DYDC1: variants seen among roughly 807,000 people sequenced by gnomAD.
The protein encoded by DYDC1 is DPY30 domain containing 1, also known as DPY30 domain-containing protein 1.
Under a neutral mutation model 27.9 loss-of-function variants are expected in DYDC1, and 21 were observed. That is an observed-to-expected ratio of 0.75 (90% confidence interval 0.53 to 1.08). DYDC1 has a LOEUF of 1.08. DYDC1 is among the 50% of genes least tolerant of loss of function. DYDC1 has a pLI of 0.00. For synonymous variants in DYDC1, 67 were observed against 65.8 expected (o/e 1.02, Z -0.09); for missense variants, 202 against 205.9 (o/e 0.98, Z 0.12).
At chr10:80,347,462 C>A (rs1211416733) in intron 3 of DYDC1, among the ~76,000 whole-genome samples, 6 of 151,998 alleles carry the variant, frequency 3.9e-5, no homozygotes, top group Non-Finnish European at 1.5e-5. Context: ...GACCTAGTCC[C>A]ATTTGTTTAG....
chr10:80,352,983 C>A (rs1366316413), intron 1 of DYDC1, among the ~76,000 whole-genome samples: 11 of 152,094 alleles, frequency 7.2e-5, no homozygotes, highest in Non-Finnish European at 1.6e-4. Flanking sequence ...CAAGCCCAGG[C>A]ACAGACAGCG....
chr10:80,338,976 G>A lies in DYDC1; in HGVS notation c.399+121C>T, dbSNP rs180837504. ...CTTGTTATCACCGGAAAATATACAT[G>A]GACTATCAGTTTTGATAATATACTT... On this transcript the variant is annotated intron_variant, in intron 5 of 6. Transcript: ENST00000372202. 1.8e-3 allele frequency: 955 copies of A among 537,180 alleles called. 3 individuals are homozygous for A. The highest frequency in any genetic ancestry group is 2.6e-3 in the Non-Finnish European group (825 of 311,442). 33.3% of individuals were successfully genotyped at this position (537,180 alleles called of 1,614,324 possible).
rs1351444629 is a variant in DYDC1 at position 80,352,495 on chromosome 10, C to G, written c.107G>C (p.Trp36Ser). 1 of 1,611,724 alleles carries G rather than the reference C, an allele frequency of 6.2e-7. No homozygotes were observed. The highest frequency in any genetic ancestry group is 1.7e-5 in the Admixed American group (1 of 59,526). The change falls in exon 2 of 7, where the codon TGG becomes TCG. Residue 36 changes from tryptophan (W) to serine (S), a missense_variant. Physicochemically the swap from Trp to Ser is radical, Grantham distance 177. Transcript: ENST00000372202. Reference protein sequence around the residue: ...PVDPIEYLALWIYKYKENVTM... With the variant: ...PVDPIEYLALSIYKYKENVTM... ...CACATTTTCCTTATACTTGTAAATC[C>G]ACAATGCTAAATATTCTATCGGATC...
rs1842859804 is a variant in DYDC1, at chr10:80,349,474, T to C, written c.249+2427A>G. Among the ~76,000 whole-genome samples the C allele has an allele frequency of 2.0e-5, 3 of 152,182 alleles. No individual in the cohort carries two copies. In the South Asian group the frequency reaches 6.2e-4, roughly 32 times the overall value. On this transcript the variant is annotated intron_variant, in intron 3 of 6. Transcript: ENST00000372202. Reference sequence around the variant, plus strand: ...GCATAAAATGTCTACTATCTGACAATGCATTCTAAAATAATAAATTTTTAC... The same window carrying C: ...GCATAAAATGTCTACTATCTGACAACGCATTCTAAAATAATAAATTTTTAC...
rs1302176720 is a variant in DYDC1, at chr10:80,339,129, G to C, written c.367C>G (p.Leu123Val). The C allele has an allele frequency of 1.3e-5, 18 of 1,364,846 alleles. No homozygotes were observed. The highest frequency in any genetic ancestry group is 1.6e-5 in the Non-Finnish European group (16 of 1,011,720). The allele number at this position is 1,364,846 out of a possible 1,614,324, so 84.5% of individuals were successfully genotyped here. A position where few individuals can be genotyped will look rare whatever the true frequency, so the allele number is the denominator to read the frequency against. The change falls in exon 5 of 7, where the codon CTA (leucine) becomes GTA (valine). Residue 123 changes from leucine to valine, a missense_variant. Leu to Val is a conservative substitution (Grantham distance 32). Transcript: ENST00000372202. ...GKEMRMNMEN[L>V]VRNEDILHSE... ...TGTAGAATATCTTCATTCCTAACTA[G>C]ATTTTCCATATTCATTCTCATCTCC...
rs1564659896 is a variant in DYDC1, at chr10:80,342,250, T to G, written c.342+19A>C. ...AGAGAGTTTTAAATAAAACTGACATTTATAAAACTTCAAATTACCTTGCCT... is the reference window on the plus strand; with the variant it reads ...AGAGAGTTTTAAATAAAACTGACATGTATAAAACTTCAAATTACCTTGCCT... On this transcript the variant is annotated intron_variant, in intron 4 of 6. Transcript: ENST00000372202. The G allele has an allele frequency of 6.2e-7, 1 of 1,608,958 alleles. No individual in the cohort carries two copies. The highest frequency in any genetic ancestry group is 8.5e-7 in the Non-Finnish European group (1 of 1,176,508).
At position 80,342,321 on chromosome 10, in the gene DYDC1, T is replaced by C. The variant is rs1341393157; in HGVS notation, c.290A>G (p.Lys97Arg). 1 of 1,613,848 alleles carries C rather than the reference T, an allele frequency of 6.2e-7. No individual in the cohort carries two copies. Among genetic ancestry groups the C allele is most frequent in the Non-Finnish European group, 8.5e-7 (1 of 1,179,974 alleles). ...TAGTTCTTGTATTCTCTGCCTCTCC[T>C]TTTCTTGCATTTCCAACTCTAGCTG... is the stretch of plus-strand genomic sequence containing the variant. Reference protein sequence around the residue: ...ALQLELEMQEKERQRIQELQR... With the variant: ...ALQLELEMQERERQRIQELQR... Residue 97 changes from lysine (K) to arginine (R), a missense_variant, in exon 4 of 7, where the codon AAG becomes AGG. Transcript: ENST00000372202.
chr10:80,347,118 C>T (rs776543868), intron 3 of DYDC1, among the ~76,000 whole-genome samples: 3 of 151,550 alleles, frequency 2.0e-5, no homozygotes, highest in Admixed American at 6.6e-5. Flanking sequence ...CTAATAGGGG[C>T]GAGGTGGTAT....
chr10:80,343,659 A>G (rs2132765486), intron 3 of DYDC1, among the ~76,000 whole-genome samples: 1 of 152,112 alleles, frequency 6.6e-6, no homozygotes, highest in African/African-American at 2.4e-5. Flanking sequence ...TGAATGTCGC[A>G]CTTTTAAGGC....
chr10:80,345,397 C>T (rs886427727), intron 3 of DYDC1, among the ~76,000 whole-genome samples: 8 of 152,050 alleles, frequency 5.3e-5, no homozygotes, highest in Admixed American at 3.9e-4. Context: ...TTTCAATATC[C>T]ATCATCTTAG....
intron 4 of DYDC1, among the ~76,000 whole-genome samples, chr10:80,341,442 C>CAAAA (rs58419721): frequency 7.8e-3 from 325 of 41,728 alleles, no homozygotes; most frequent in Middle Eastern, 0.032. Flanking sequence ...GACTCTGTCT[C>CAAAA]AAAAAAAAAA....
chr10:80,352,690 A>G, intron 1 of DYDC1, 80 bp from the exon 2 acceptor site: 1 of 1,463,468 alleles, frequency 6.8e-7, no homozygotes, highest in Non-Finnish European at 9.0e-7. Flanking sequence ...TGAGGTGAAC[A>G]AAGCCTTACA....
In DYDC1 at chr10:80,350,227, G is replaced by A. The variant is rs567343600; in HGVS notation, c.249+1674C>T. Among the ~76,000 whole-genome samples, 6 of 152,210 alleles carry A rather than the reference G, an allele frequency of 3.9e-5. No homozygotes were observed. In the South Asian group the frequency reaches 6.2e-4, roughly 16 times the overall value. On this transcript the variant is annotated intron_variant, in intron 3 of 6. Transcript: ENST00000372202. ...AATGCACAGTGGATTAGTTCATACCGGTCAACATAATATGGCTAGAGAAAC... is the reference window on the plus strand; with the variant it reads ...AATGCACAGTGGATTAGTTCATACCAGTCAACATAATATGGCTAGAGAAAC...
Position 80,338,524 on chromosome 10 carries a change from A to G in DYDC1, c.447T>C (p.Arg149=). 6.2e-7 allele frequency: 1 copy of G among 1,610,978 alleles called. No individual in the cohort carries two copies. The part of the protein sequence containing the change: ...SGKTLAEISD[R]YGAPNLSRVE... The stretch of plus-strand genomic sequence containing the variant: ...CTCTGCTCAAGTTAGGTGCTCCATA[A>G]CGATCGCTGATTTCAGCTAGTGTTT... Residue 149 remains arginine, a synonymous_variant, in exon 6 of 7, where the codon CGT becomes CGC. Transcript: ENST00000372202.
chr10:80,340,593 T>C (rs1042216123), intron 4 of DYDC1, among the ~76,000 whole-genome samples: 2 of 152,230 alleles, frequency 1.3e-5, no homozygotes, highest in African/African-American at 4.8e-5. Context: ...GTCACTTTGA[T>C]TAAAAATACT....
intron 3 of DYDC1, among the ~76,000 whole-genome samples, 173 bp downstream of exon 3, chr10:80,351,728 C>T (rs9663397): frequency 2.0e-5 from 3 of 152,224 alleles, no homozygotes; most frequent in Admixed American, 6.5e-5. Flanking sequence ...CTCAGGAAAA[C>T]TCATGGCTGC....
intron 3 of DYDC1, among the ~76,000 whole-genome samples, chr10:80,346,001 T>C (rs940697748): frequency 7.9e-5 from 12 of 152,106 alleles, no homozygotes; most frequent in Non-Finnish European, 1.2e-4. Context: ...GCCATCATCA[T>C]CATGCCTGGA....
At chr10:80,347,790 C>G (rs1371032634) in intron 3 of DYDC1, among the ~76,000 whole-genome samples, 1 of 152,182 alleles carries the variant, frequency 6.6e-6, no homozygotes, top group Non-Finnish European at 1.5e-5. Context: ...CCTGGGTTCT[C>G]TATTCTGTTC....
At position 80,351,888 on chromosome 10, in the gene DYDC1, C is replaced by T. The variant is rs777757380; in HGVS notation, c.249+13G>A. On this transcript the variant is annotated intron_variant, in intron 3 of 6. Coordinates refer to ENST00000372202, the MANE Select transcript of DYDC1 (RefSeq NM_001269053.2). ...TAATTCCAGTCCCCTCTGAACTCTC[C>T]TACTTGCCTCACCTGCTGAAGTAAG... 6.8e-6 allele frequency: 11 copies of T among 1,613,398 alleles called. No homozygotes were observed.
Sources: gnomAD v4.1 joint callset for allele counts (sites outside exome capture counted in the v4.1 genomes callset) on GRCh38, gnomAD v4.1.1 for gene constraint, MANE v1.5 for transcripts, NCBI Gene and HGNC (gene_info 2026-07-23, HGNC 2026-07-21) for gene names.